Variants in NEDD4 observed in about 807,000 individuals in gnomAD.
The protein encoded by NEDD4 is E3 ubiquitin-protein ligase NEDD4.
NEDD4 carries 99 observed loss-of-function variants against 144.9 expected under a neutral mutation model. The observed-to-expected ratio is 0.68, with a 90% confidence interval of 0.58 to 0.81. The LOEUF (loss-of-function observed/expected upper bound fraction) is 0.81. Ranked by LOEUF, NEDD4 falls within the 30% of genes least tolerant of loss-of-function variation. The probability of loss-of-function intolerance (pLI) is 0.00; values close to 1 mark genes in which losing one functional copy is unlikely to be tolerated. For missense variants in NEDD4, 985 were observed against 1,065.9 expected, an observed-to-expected ratio of 0.92 and a Z score of 1.06; for synonymous variants, 318 against 350.6, an observed-to-expected ratio of 0.91 and a Z score of 1.04.
intron 12 of NEDD4, 36 bp downstream of exon 12, chr15:55,856,095 T>C (rs1304091929): frequency 1.9e-6 from 3 of 1,564,670 alleles, no homozygotes; most frequent in Non-Finnish European, 2.6e-6. Flanking sequence ...CTGAGTTTTA[T>C]ATTTTTATTG....
At chr15:55,933,240 T>C (rs1021981714) in intron 4 of NEDD4, among the ~76,000 whole-genome samples, 13 of 152,060 alleles carry the variant, frequency 8.5e-5, no homozygotes, top group South Asian at 6.2e-4. Flanking sequence ...CGTATGTTTA[T>C]TGCAGCACTA....
intron 1 of NEDD4, among the ~76,000 whole-genome samples, chr15:55,984,792 A>G (rs1280956403): frequency 6.6e-6 from 1 of 152,192 alleles, no homozygotes; most frequent in Non-Finnish European, 1.5e-5. Context: ...CTTTGATACT[A>G]TTGGCAAGGA....
At chr15:55,884,488 TG>T (rs1186148122) in intron 5 of NEDD4, among the ~76,000 whole-genome samples, 4 of 152,128 alleles carry the variant, frequency 2.6e-5, no homozygotes, top group Non-Finnish European at 5.9e-5. Flanking sequence ...CAGAGATATA[TG>T]TGACCTTTCA....
At position 55,860,473 on chromosome 15, in the gene NEDD4, T is replaced by G. The variant is rs778805451; in HGVS notation, c.894A>C (p.Ala298=). The G allele has an allele frequency of 1.9e-6, 3 of 1,614,150 alleles. No individual in the cohort carries two copies. In the South Asian group the frequency reaches 3.3e-5, roughly 18 times the overall value. ...SSNLDVPTHL[A]EELNARLTIF... is the part of the protein sequence containing the mutation. ...TGGTGAGTCTGGCATTCAATTCTTC[T>G]GCAAGATGAGTTGGAACATCCAAGT... Residue 298 remains alanine (A), a synonymous_variant, in exon 11 of 29, where the codon GCA becomes GCC. Transcript: ENST00000435532.
At chr15:55,961,932 A>G (rs1357254174) in intron 2 of NEDD4, among the ~76,000 whole-genome samples, 5 of 152,148 alleles carry the variant, frequency 3.3e-5, no homozygotes, top group African/African-American at 1.2e-4. Flanking sequence ...GTTTAAATTT[A>G]TGTTTTTGAT....
chr15:55,949,949 A>G (rs902343718), intron 4 of NEDD4, among the ~76,000 whole-genome samples: 5 of 152,036 alleles, frequency 3.3e-5, no homozygotes, highest in Non-Finnish European at 5.9e-5. Context: ...TTAAAGTATA[A>G]TTAAAAAAAA....
At chr15:55,915,577 T>C (rs1412682274) in intron 5 of NEDD4, 1 of 1,613,902 alleles carries the variant, frequency 6.2e-7, no homozygotes, top group Non-Finnish European at 8.5e-7. Context: ...CATGCAGATG[T>C]CCTATGCATG....
Position 55,848,842 on chromosome 15 carries a change from T to C in NEDD4, c.1392A>G (p.Thr464=), listed in dbSNP as rs557450019. 8.1e-6 allele frequency: 13 copies of C among 1,613,758 alleles called. No homozygotes were observed. Among genetic ancestry groups the C allele is most frequent in the Non-Finnish European group, 1.1e-5 (13 of 1,179,854 alleles). ...CTAGATCATTGGAAGTATCAAGTGA[T>C]GTCTTTCCTCTCAGATGGGCTGGAA... ...LKIPAHLRGK[T]SLDTSNDLGP... is the part of the protein sequence containing the mutation. The change falls in exon 15 of 29, where the codon ACA becomes ACG. Residue 464 remains threonine, a synonymous_variant. Coordinates refer to ENST00000435532, the MANE Select transcript of NEDD4 (RefSeq NM_006154.4).
chr15:55,976,584 A>C (rs1301028061), intron 1 of NEDD4, among the ~76,000 whole-genome samples: 1 of 152,134 alleles, frequency 6.6e-6, no homozygotes, highest in Non-Finnish European at 1.5e-5. Flanking sequence ...AAATGCTGGC[A>C]AGAACGTGGC....
rs544913309 is a variant in NEDD4, at chr15:55,908,826, GC to G, written c.291+15819del. On this transcript the variant is annotated intron_variant, in intron 5 of 28. Transcript: ENST00000435532. ...AAGCTGAGGCAAGAGGATTGCTTTA[GC>G]CCAGGAGTTCAAATCCAGCTTGTGT... 3.6e-3 allele frequency among the ~76,000 whole-genome samples: 550 copies of G among 152,192 alleles called. 4 individuals carry two copies. Among genetic ancestry groups the G allele is most frequent in the African/African-American group, 0.013 (522 of 41,538 alleles).
intron 2 of NEDD4, 27 bp from the exon 3 acceptor site, chr15:55,951,616 G>C (rs771311762): frequency 7.4e-7 from 1 of 1,355,980 alleles, no homozygotes; most frequent in Non-Finnish European, 9.7e-7. Context: ...AAAAAAGAAA[G>C]AAAAATTTTA....
intron 8 of NEDD4, among the ~76,000 whole-genome samples, chr15:55,866,006 A>G (rs1279139393): frequency 6.6e-6 from 1 of 152,030 alleles, no homozygotes. Flanking sequence ...ATCACAGCTC[A>G]CTGCAGCCTT....
intron 12 of NEDD4, among the ~76,000 whole-genome samples, chr15:55,854,473 G>A (rs2034115681): frequency 6.6e-6 from 1 of 152,138 alleles, no homozygotes; most frequent in Non-Finnish European, 1.5e-5. Context: ...GCAATAACAT[G>A]GGTCTATGTG....
At chr15:55,908,361 A>G (rs1386675631) in intron 5 of NEDD4, among the ~76,000 whole-genome samples, 1 of 152,122 alleles carries the variant, frequency 6.6e-6, no homozygotes, top group Non-Finnish European at 1.5e-5. Context: ...CCATATCTCC[A>G]TCTTTAACTT....
chr15:55,888,343 A>G (rs1363431509), intron 5 of NEDD4, among the ~76,000 whole-genome samples: 1 of 152,202 alleles, frequency 6.6e-6, no homozygotes, highest in Non-Finnish European at 1.5e-5. Flanking sequence ...AAGAGTAAAC[A>G]ATTTGTAAAA....
intron 5 of NEDD4, among the ~76,000 whole-genome samples, chr15:55,881,425 G>C (rs1483592984): frequency 6.6e-6 from 1 of 152,134 alleles, no homozygotes; most frequent in Non-Finnish European, 1.5e-5. Context: ...ACAGGCATGA[G>C]CCACAGTGCC....
At chr15:55,930,927 T>A (rs1430723929) in intron 4 of NEDD4, among the ~76,000 whole-genome samples, 1 of 152,190 alleles carries the variant, frequency 6.6e-6, no homozygotes, top group East Asian at 1.9e-4. Context: ...CAGTCTTGGG[T>A]ACGTCTTTAC....
intron 2 of NEDD4, chr15:55,952,894 T>G (rs1237103892): frequency 6.6e-6 from 1 of 152,236 alleles, no homozygotes; most frequent in Admixed American, 6.5e-5. Context: ...TCAAACCTTT[T>G]CAGAGGCAGT....
chr15:55,832,596 G>C (rs1185989716), intron 27 of NEDD4, among the ~76,000 whole-genome samples: 1 of 152,000 alleles, frequency 6.6e-6, no homozygotes, highest in Non-Finnish European at 1.5e-5. Context: ...TGTATTTTTG[G>C]GTAGAGACGG....
Sources: gnomAD v4.1 joint callset for allele counts (sites outside exome capture counted in the v4.1 genomes callset) on GRCh38, gnomAD v4.1.1 for gene constraint, MANE v1.5 for transcripts, NCBI Gene and HGNC (gene_info 2026-07-23, HGNC 2026-07-21) for gene names.